NCOA2: variants seen among roughly 807,000 people sequenced by gnomAD.
NCOA2 encodes nuclear receptor coactivator 2, also known as class E basic helix-loop-helix protein 75.
A neutral mutation model predicts 145.1 loss-of-function variants in NCOA2; 21 were observed. The ratio of observed to expected loss-of-function variants is 0.14; its 90% CI spans 0.10 to 0.21. The LOEUF (loss-of-function observed/expected upper bound fraction) is 0.21. Among genes scored for constraint, NCOA2 ranks in the 10% least tolerant of loss-of-function variants. NCOA2 has a pLI of 1.00. For missense variants in NCOA2, 1,472 were observed against 1,837.6 expected, an observed-to-expected ratio of 0.80 and a Z score of 3.64; for synonymous variants, 619 against 637.5, an observed-to-expected ratio of 0.97 and a Z score of 0.44.
chr8:70,126,736 G>A (rs1252866153), intron 19 of NCOA2, 77 bp downstream of exon 19: 6 of 1,194,088 alleles, frequency 5.0e-6, no homozygotes, highest in African/African-American at 4.5e-5. Context: ...AGCTGTGAGA[G>A]AGGAGCTGTG....
rs960461880 is a variant in NCOA2, at chr8:70,156,999, T to C, written c.1366A>G (p.Thr456Ala). The C allele has an allele frequency of 9.9e-6, 16 of 1,614,068 alleles. No homozygotes were observed. The highest frequency in any genetic ancestry group is 3.3e-5 in the South Asian group (3 of 91,088). Residue 456 changes from threonine to alanine, a missense_variant, in exon 11 of 23, where the codon ACC becomes GCC. Physicochemically the swap from Thr to Ala is moderately conservative, Grantham distance 58 (BLOSUM62 0). Coordinates refer to ENST00000452400, the MANE Select transcript of NCOA2 (RefSeq NM_006540.4). ...GCATAGTTACTACCCTGAGGAGTGG[T>C]TGCTTGCATGCCTGACACATGGTTC... ...GMNHVSGMQA[T>A]TPQGSNYALK...
intron 2 of NCOA2, among the ~76,000 whole-genome samples, chr8:70,231,889 G>T (rs1318629129): frequency 1.3e-5 from 2 of 152,134 alleles, no homozygotes; most frequent in Non-Finnish European, 2.9e-5. Context: ...ATCCCCCACA[G>T]TTACTGAAGC....
Position 70,156,592 on chromosome 8 carries a change from C to T in NCOA2, c.1773G>A (p.Glu591=). The change falls in exon 11 of 23, where the codon GAG becomes GAA. Residue 591 remains glutamate, a synonymous_variant. Transcript: ENST00000452400. The stretch of plus-strand genomic sequence containing the variant: ...CTTGTCCAGTTGTACCTTCAGAGGG[C>T]TCCCCATATAGTCCAAAACAGTCTT... ...DSKDCFGLYG[E]PSEGTTGQAE... 6.2e-7 allele frequency: 1 copy of T among 1,613,978 alleles called. No individual in the cohort carries two copies.
At chr8:70,166,518 A>T in intron 7 of NCOA2, 48 bp downstream of exon 7, 2 of 1,591,448 alleles carry the variant, frequency 1.3e-6, no homozygotes, top group Non-Finnish European at 1.7e-6. Context: ...GAAGTAGCAC[A>T]GGAATAAATA....
rs143990323 is a variant in NCOA2, at chr8:70,111,726, C to T, written c.*1906G>A. 3.8e-3 allele frequency: 811 copies of T among 215,256 alleles called. 1 individual carries two copies. The highest frequency in any genetic ancestry group is 6.2e-3 in the Non-Finnish European group (658 of 106,884). The allele number at this position is 215,256 out of a possible 1,614,324, so 13.3% of individuals were successfully genotyped here. A position where few individuals can be genotyped will look rare whatever the true frequency, so the allele number is the denominator to read the frequency against. ...TATCTCTTCCTATATTTCCATAATG[C>T]GTACATATAGAGAGAGATATAAGTA... On this transcript the variant is annotated 3_prime_UTR_variant, in exon 23 of 23. Transcript: ENST00000452400.
chr8:70,306,348 C>T (rs1253521305), intron 1 of NCOA2, among the ~76,000 whole-genome samples: 1 of 152,150 alleles, frequency 6.6e-6, no homozygotes, highest in East Asian at 1.9e-4. Context: ...GCCTCACTAT[C>T]CTATCTTAAC....
intron 1 of NCOA2, among the ~76,000 whole-genome samples, chr8:70,331,161 T>C (rs1807063592): frequency 6.6e-6 from 1 of 152,182 alleles, no homozygotes; most frequent in African/African-American, 2.4e-5. Flanking sequence ...TTTTAAGATA[T>C]TCTTTACTGG....
intron 5 of NCOA2, among the ~76,000 whole-genome samples, chr8:70,173,567 T>C (rs1814482748): frequency 6.6e-6 from 1 of 152,042 alleles, no homozygotes; most frequent in East Asian, 1.9e-4. Context: ...CTATGGAAAA[T>C]TGGGTTAAGT....
chr8:70,268,199 T>A (rs923934764), intron 2 of NCOA2, among the ~76,000 whole-genome samples: 1 of 152,194 alleles, frequency 6.6e-6, no homozygotes, highest in Admixed American at 6.5e-5. Context: ...CTATCCTCAT[T>A]GTCTTTATAT....
chr8:70,296,232 G>C (rs530237805), intron 2 of NCOA2, among the ~76,000 whole-genome samples: 70 of 152,276 alleles, frequency 4.6e-4, no homozygotes, highest in Middle Eastern at 3.4e-3. Flanking sequence ...AATTTCAGCT[G>C]TGTGATACGG....
At chr8:70,436,831 C>T in the NCOA2 span, among the ~76,000 whole-genome samples, 5 of 152,062 alleles carry the variant, frequency 3.3e-5, no homozygotes, top group Non-Finnish European at 7.4e-5. Context: ...GATAATGAGA[C>T]GACACAGGTA....
chr8:70,268,219 A>G (rs1824767150), intron 2 of NCOA2, among the ~76,000 whole-genome samples: 3 of 152,284 alleles, frequency 2.0e-5, no homozygotes, highest in South Asian at 4.1e-4. Flanking sequence ...TACAAGGCTC[A>G]TCTCTCTTAA....
intron 4 of NCOA2, among the ~76,000 whole-genome samples, chr8:70,184,870 G>A (rs531348360): frequency 6.6e-6 from 1 of 152,162 alleles, no homozygotes; most frequent in Admixed American, 6.5e-5. Context: ...GCTTCGAAAG[G>A]ACTGAAAACC....
chr8:70,386,740 G>C (rs1812707671), intron 1 of NCOA2, among the ~76,000 whole-genome samples: 1 of 151,968 alleles, frequency 6.6e-6, no homozygotes, highest in Non-Finnish European at 1.5e-5. Context: ...ATTCATTCTG[G>C]CTTCATGAAT....
chr8:70,420,949 G>GT, the NCOA2 span, among the ~76,000 whole-genome samples: 2 of 152,130 alleles, frequency 1.3e-5, no homozygotes, highest in Middle Eastern at 3.4e-3. Flanking sequence ...GGCCAGAAGT[G>GT]TTTTTTAAGG....
chr8:70,213,789 C>T, intron 4 of NCOA2, 114 bp downstream of exon 4: 7 of 845,778 alleles, frequency 8.3e-6, no homozygotes, highest in South Asian at 5.8e-5. Flanking sequence ...ACATCATTTC[C>T]TCATCAATAA....
intron 1 of NCOA2, among the ~76,000 whole-genome samples, chr8:70,341,934 A>G (rs949603261): frequency 1.8e-4 from 28 of 152,296 alleles, no homozygotes; most frequent in African/African-American, 6.3e-4. Flanking sequence ...TTCAATACAC[A>G]TCTCTTTTTA....
At chr8:70,142,349 C>A (rs886454285) in intron 13 of NCOA2, among the ~76,000 whole-genome samples, 7 of 152,186 alleles carry the variant, frequency 4.6e-5, no homozygotes, top group Admixed American at 3.9e-4. Flanking sequence ...CGTTTCTTCA[C>A]TTACGAAATG....
intron 1 of NCOA2, among the ~76,000 whole-genome samples, chr8:70,356,866 T>A (rs542802328): frequency 9.8e-5 from 15 of 152,356 alleles, no homozygotes; most frequent in Non-Finnish European, 2.2e-4. Context: ...AGACTACTTG[T>A]TTTTACATAA....
Sources: gnomAD v4.1 joint callset for allele counts (sites outside exome capture counted in the v4.1 genomes callset) on GRCh38, gnomAD v4.1.1 for gene constraint, MANE v1.5 for transcripts, NCBI Gene and HGNC (gene_info 2026-07-23, HGNC 2026-07-21) for gene names.